NKIRAS1: variants seen among roughly 807,000 people sequenced by gnomAD.
NKIRAS1 encodes NF-kappa-B inhibitor-interacting Ras-like protein 1.
Under a neutral mutation model 19.8 loss-of-function variants are expected in NKIRAS1, and 16 were observed. That is an observed-to-expected ratio of 0.81 (90% confidence interval 0.55 to 1.23). The LOEUF is 1.23. Among genes scored for constraint, NKIRAS1 ranks in the 50% most tolerant of loss-of-function variants. The pLI, the probability that NKIRAS1 is intolerant of heterozygous loss-of-function variation, is 0.00. For synonymous variants in NKIRAS1, 88 were observed against 79.0 expected (o/e 1.11, Z -0.61); for missense variants, 184 against 220.0 (o/e 0.84, Z 1.04).
At position 23,891,512 on chromosome 3, in the gene NKIRAS1, A is replaced by G. The variant is rs1701465828; in HGVS notation, c.*1583T>C. 6.6e-6 allele frequency: 1 copy of G among 152,210 alleles called. No individual in the cohort carries two copies. The highest frequency in any genetic ancestry group is 2.4e-5 in the African/African-American group (1 of 41,448). The allele number at this position is 152,210 out of a possible 1,614,324, so 9.4% of individuals were successfully genotyped here. On this transcript the variant is annotated 3_prime_UTR_variant, in exon 5 of 5. Transcript: ENST00000425478. ...TAGAAAAGGTTAAATAATCTACCCC[A>G]TTTAGGCTTCAAAGACGAACCCTAC...
upstream of NKIRAS1, chr3:23,918,782 G>T: frequency 1.6e-6 from 1 of 633,260 alleles, no homozygotes; most frequent in Non-Finnish European, 2.6e-6. Flanking sequence ...AGTACTTGTG[G>T]AACCTAAGCT....
At chr3:23,928,300 A>AAATG (rs1482981833) in intron 1 of NKIRAS1, among the ~76,000 whole-genome samples, 1 of 97,504 alleles carries the variant, frequency 1.0e-5, no homozygotes, top group Non-Finnish European at 2.4e-5. Flanking sequence ...AAAAATAAAT[A>AAATG]AATAAATAAA....
intron 1 of NKIRAS1, among the ~76,000 whole-genome samples, chr3:23,930,599 G>C (rs1480610660): frequency 6.6e-6 from 1 of 151,986 alleles, no homozygotes; most frequent in African/African-American, 2.4e-5. Flanking sequence ...TAAATTTACA[G>C]ACAATAACTA....
intron 1 of NKIRAS1, chr3:23,923,258 T>G (rs1024168556): frequency 4.0e-5 from 6 of 150,450 alleles, no homozygotes; most frequent in African/African-American, 1.5e-4. Flanking sequence ...TTTGCTCTTA[T>G]AGCCCAGGTT....
At chr3:23,940,453 G>T (rs1332478876) in intron 1 of NKIRAS1, among the ~76,000 whole-genome samples, 1 of 151,964 alleles carries the variant, frequency 6.6e-6, no homozygotes, top group Non-Finnish European at 1.5e-5. Flanking sequence ...CATCTCATAA[G>T]CTATTATTAT....
At chr3:23,940,553 T>G (rs1289675051) in intron 1 of NKIRAS1, among the ~76,000 whole-genome samples, 1 of 152,200 alleles carries the variant, frequency 6.6e-6, no homozygotes, top group Non-Finnish European at 1.5e-5. Context: ...ATGGATTGAT[T>G]CAGTTTGAAT....
upstream of NKIRAS1, chr3:23,917,937 C>G (rs772921805): frequency 4.3e-6 from 7 of 1,613,588 alleles, no homozygotes; most frequent in Admixed American, 3.3e-5. Context: ...TGAGGGTCCG[C>G]TGCTGGCAGT....
At chr3:23,894,957 T>TG (rs1328182658) in intron 4 of NKIRAS1, among the ~76,000 whole-genome samples, 1 of 152,254 alleles carries the variant, frequency 6.6e-6, no homozygotes, top group Non-Finnish European at 1.5e-5. Context: ...TCCAGTAACC[T>TG]GGTCTCTTAT....
intron 1 of NKIRAS1, among the ~76,000 whole-genome samples, chr3:23,924,908 T>C (rs1275690055): frequency 6.6e-6 from 1 of 152,182 alleles, no homozygotes; most frequent in East Asian, 1.9e-4. Context: ...TAATAAAGAT[T>C]TGTTTCTTGA....
chr3:23,917,739 T>G (rs1704725191), upstream of NKIRAS1: 2 of 1,147,334 alleles, frequency 1.7e-6, no homozygotes, highest in African/African-American at 1.6e-5. Context: ...TGCAGAGCCA[T>G]TTTCATTCCC....
chr3:23,945,962 G>T (rs1705676320), intron 1 of NKIRAS1, among the ~76,000 whole-genome samples: 1 of 151,432 alleles, frequency 6.6e-6, no homozygotes, highest in African/African-American at 2.4e-5. Context: ...GCGGCGGGCG[G>T]GGACACGTGA....
At chr3:23,928,129 TACACACACACAC>T (rs1287657348) in intron 1 of NKIRAS1, among the ~76,000 whole-genome samples, 1 of 104,970 alleles carries the variant, frequency 9.5e-6, no homozygotes, top group Non-Finnish European at 1.9e-5. Context: ...CACACACACA[TACACACACACAC>T]AGTTCATCTG....
At chr3:23,904,953 A>G (rs1702878283) in intron 3 of NKIRAS1, among the ~76,000 whole-genome samples, 1 of 152,216 alleles carries the variant, frequency 6.6e-6, no homozygotes, top group African/African-American at 2.4e-5. Context: ...TACATCAATG[A>G]AAAGTAAACA....
At chr3:23,912,941 A>ACC (rs540878815) in intron 1 of NKIRAS1, among the ~76,000 whole-genome samples, 5 of 150,646 alleles carry the variant, frequency 3.3e-5, no homozygotes, top group African/African-American at 9.8e-5. Context: ...ACATGGTGAA[A>ACC]CCGTCTCTAC....
At chr3:23,901,166 C>A (rs1034518145) in intron 3 of NKIRAS1, 117 bp from the exon 4 acceptor site, 113 of 970,994 alleles carry the variant, frequency 1.2e-4, no homozygotes, top group Non-Finnish European at 1.6e-4. Flanking sequence ...ATAATAATCA[C>A]ATTTCTATTT....
intron 3 of NKIRAS1, among the ~76,000 whole-genome samples, chr3:23,910,277 C>A (rs1703553316): frequency 6.6e-6 from 1 of 151,826 alleles, no homozygotes. Context: ...CCTGCCTCAC[C>A]CCCTCAAGTA....
intron 1 of NKIRAS1, among the ~76,000 whole-genome samples, chr3:23,944,768 G>A (rs1368689106): frequency 6.6e-6 from 1 of 151,686 alleles, no homozygotes; most frequent in Admixed American, 6.6e-5. Flanking sequence ...TCACCTAGAG[G>A]GTGCAGAGGG....
At chr3:23,912,106 T>C (rs949644456) in intron 1 of NKIRAS1, among the ~76,000 whole-genome samples, 1 of 152,114 alleles carries the variant, frequency 6.6e-6, no homozygotes, top group African/African-American at 2.4e-5. Context: ...TGAGGAAGAA[T>C]AGACAACTCT....
Position 23,900,916 on chromosome 3 carries a change from A to G in NKIRAS1, c.228T>C (p.Phe76=). The G allele has an allele frequency of 6.2e-7, 1 of 1,614,214 alleles. No homozygotes were observed. Among genetic ancestry groups the G allele is most frequent in the Non-Finnish European group, 8.5e-7 (1 of 1,180,036 alleles). The change falls in exon 4 of 5, where the codon TTT becomes TTC. Residue 76 remains phenylalanine (F), a synonymous_variant. Coordinates refer to ENST00000425478, the MANE Select transcript of NKIRAS1 (RefSeq NM_020345.4). Reference sequence around the variant, plus strand: ...CAAGAACGAAGCCATCAGCAAATGAAAAATAATGCTTTGGCAGCTCCACGC... The same window carrying G: ...CAAGAACGAAGCCATCAGCAAATGAGAAATAATGCTTTGGCAGCTCCACGC... ...QEGVELPKHY[F]SFADGFVLVY...
Sources: gnomAD v4.1 joint callset for allele counts (sites outside exome capture counted in the v4.1 genomes callset) on GRCh38, gnomAD v4.1.1 for gene constraint, MANE v1.5 for transcripts, NCBI Gene and HGNC (gene_info 2026-07-23, HGNC 2026-07-21) for gene names.